PROK2: variants seen among roughly 807,000 people sequenced by gnomAD.
PROK2 encodes prokineticin-2.
Under a neutral mutation model 14.2 loss-of-function variants are expected in PROK2, and 8 were observed. The ratio of observed to expected loss-of-function variants is 0.56; its 90% CI spans 0.33 to 1.02. The LOEUF is 1.02. PROK2 is among the 50% of genes least tolerant of loss of function. The pLI is 0.03. For missense variants in PROK2, 154 were observed against 160.4 expected (o/e 0.96, Z 0.22); for synonymous variants, 59 against 60.7 (o/e 0.97, Z 0.13).
intron 1 of PROK2, among the ~76,000 whole-genome samples, chr3:71,783,071 T>C (rs529608790): frequency 6.6e-5 from 10 of 152,222 alleles, no homozygotes; most frequent in Non-Finnish European, 1.2e-4. Context: ...AATTTCAAAA[T>C]ACCTACATAC....
intron 3 of PROK2, among the ~76,000 whole-genome samples, chr3:71,774,017 G>A (rs2050100209): frequency 6.6e-6 from 1 of 152,166 alleles, no homozygotes; most frequent in Non-Finnish European, 1.5e-5. Flanking sequence ...GAAATCAGAT[G>A]GCAAGTGACT....
intron 1 of PROK2, among the ~76,000 whole-genome samples, chr3:71,782,778 A>T: frequency 6.6e-6 from 1 of 152,178 alleles, no homozygotes; most frequent in South Asian, 2.1e-4. Flanking sequence ...TCTTAACATT[A>T]TTTCTCATTA....
At chr3:71,781,262 C>G (rs2050157647) in intron 2 of PROK2, among the ~76,000 whole-genome samples, 1 of 152,112 alleles carries the variant, frequency 6.6e-6, no homozygotes, top group Admixed American at 6.5e-5. Context: ...AACATGAAAA[C>G]TATCACTGGA....
Position 71,774,452 on chromosome 3 carries a change from T to C in PROK2, c.278A>G (p.Lys93Arg). 3 of 1,551,558 alleles carry C rather than the reference T, an allele frequency of 1.9e-6. No homozygotes were observed. The highest frequency in any genetic ancestry group is 2.6e-6 in the Non-Finnish European group (3 of 1,146,918). ...CATTCGCATTCTTCTTACCTCCTTT[T>C]TCCTTTTGCTTCTCTTCCTCTTTCT... ...ERRKRKRSKR[K>R]KEVPFFGRRM... The change falls in exon 3 of 4, where the codon AAA becomes AGA. Residue 93 changes from lysine to arginine, a missense_variant. Physicochemically the swap from Lys to Arg is conservative, Grantham distance 26 (BLOSUM62 2). Transcript: ENST00000295619.
chr3:71,772,722 G>A lies in PROK2; in HGVS notation c.*2C>T, dbSNP rs115261059. 1.3e-3 allele frequency: 2,020 copies of A among 1,611,922 alleles called. 21 individuals carry two copies. The highest frequency in any genetic ancestry group is 4.5e-4 in the Non-Finnish European group (528 of 1,178,016). On this transcript the variant is annotated 3_prime_UTR_variant, in exon 4 of 4. Transcript: ENST00000295619. ...TCACATTTGGTTTCTACTCCAGAGC[G>A]ATTACTTTTGGGCTAAACAAATAAA...
In PROK2 at chr3:71,772,145, C is replaced by G. The variant is rs2050084178; in HGVS notation, c.*579G>C. ...GGAGTGTCAAGTTCACATATACACT[C>G]TTTTCACTATTTAAATGCCAGCAAA... On this transcript the variant is annotated 3_prime_UTR_variant, in exon 4 of 4. Coordinates refer to ENST00000295619, the MANE Select transcript of PROK2 (RefSeq NM_001126128.2). The G allele has an allele frequency of 6.3e-6, 1 of 159,386 alleles. No individual in the cohort carries two copies. Among genetic ancestry groups the G allele is most frequent in the Non-Finnish European group, 1.4e-5 (1 of 72,854 alleles). The allele number at this position is 159,386 out of a possible 1,614,324, so 9.9% of individuals were successfully genotyped here. A position where few individuals can be genotyped will look rare whatever the true frequency, so the allele number is the denominator to read the frequency against.
At chr3:71,778,944 G>T (rs1262006015) in intron 2 of PROK2, among the ~76,000 whole-genome samples, 1 of 152,200 alleles carries the variant, frequency 6.6e-6, no homozygotes, top group African/African-American at 2.4e-5. Flanking sequence ...ATTATTTAAA[G>T]ATTTCATTAT....
At chr3:71,776,972 C>T (rs906789477) in intron 2 of PROK2, among the ~76,000 whole-genome samples, 1 of 152,158 alleles carries the variant, frequency 6.6e-6, no homozygotes, top group African/African-American at 2.4e-5. Context: ...GAAAGCATGA[C>T]TTTTACTCTT....
At chr3:71,784,491 G>A (rs2050195134) in intron 1 of PROK2, among the ~76,000 whole-genome samples, 1 of 152,226 alleles carries the variant, frequency 6.6e-6, no homozygotes. Flanking sequence ...GCATCGGGGA[G>A]CAAACTCTTT....
In PROK2 at chr3:71,772,223, C is replaced by T. The variant is rs2050084737; in HGVS notation, c.*501G>A. On this transcript the variant is annotated 3_prime_UTR_variant, in exon 4 of 4. Coordinates refer to ENST00000295619, the MANE Select transcript of PROK2 (RefSeq NM_001126128.2). ...CATCAAACTCAAAGAGACAAACCCT[C>T]CACTTTAAAATGCAAGAGGAGGGAA... is the stretch of plus-strand genomic sequence containing the variant. 6.2e-6 allele frequency: 1 copy of T among 161,048 alleles called. No homozygotes were observed. Among genetic ancestry groups the T allele is most frequent in the African/African-American group, 2.4e-5 (1 of 41,436 alleles). 10.0% of individuals were successfully genotyped at this position (161,048 alleles called of 1,614,324 possible).
intron 1 of PROK2, among the ~76,000 whole-genome samples, chr3:71,784,474 G>T (rs957999018): frequency 2.0e-5 from 3 of 152,192 alleles, no homozygotes; most frequent in Non-Finnish European, 4.4e-5. Context: ...GGGTTTCTGC[G>T]GAGGACGCAT....
rs763288712 is a variant in PROK2, at chr3:71,772,748, T to C, written c.366A>G (p.Arg122=). Residue 122 remains arginine (R), a synonymous_variant, in exon 4 of 4, where the codon CGA becomes CGG. Coordinates refer to ENST00000295619, the MANE Select transcript of PROK2 (RefSeq NM_001126128.2). ...GLACLRTSFN[R]FICLAQK ...ATTACTTTTGGGCTAAACAAATAAA[T>C]CGGTTAAATGAAGTCCGTAAACAGG... is the stretch of plus-strand genomic sequence containing the variant. 2 of 1,614,100 alleles carry C rather than the reference T, an allele frequency of 1.2e-6. No individual in the cohort carries two copies. Among genetic ancestry groups the C allele is most frequent in the South Asian group, 2.2e-5 (2 of 91,080 alleles).
intron 2 of PROK2, among the ~76,000 whole-genome samples, chr3:71,779,863 G>C (rs2050147927): frequency 6.6e-6 from 1 of 152,162 alleles, no homozygotes; most frequent in African/African-American, 2.4e-5. Context: ...GCCTGCCTCA[G>C]ACTCCCAAAT....
At chr3:71,783,524 T>C (rs2050185294) in intron 1 of PROK2, among the ~76,000 whole-genome samples, 1 of 152,206 alleles carries the variant, frequency 6.6e-6, no homozygotes, top group Non-Finnish European at 1.5e-5. Context: ...AAGAGTTGCA[T>C]AGGTTTATAT....
chr3:71,778,866 C>T (rs139726727), intron 2 of PROK2, among the ~76,000 whole-genome samples: 72 of 152,122 alleles, frequency 4.7e-4, no homozygotes, highest in Middle Eastern at 3.4e-3. Flanking sequence ...AAAAAGCAAC[C>T]AATATGAAAA....
At chr3:71,774,607 G>C in intron 2 of PROK2, 100 bp from the exon 3 acceptor site, 2 of 1,429,262 alleles carry the variant, frequency 1.4e-6, no homozygotes, top group Non-Finnish European at 1.9e-6. Flanking sequence ...GGCGGAGCAA[G>C]ATACAGCCAA....
chr3:71,777,346 T>G (rs1029158402), intron 2 of PROK2, among the ~76,000 whole-genome samples: 1 of 152,210 alleles, frequency 6.6e-6, no homozygotes, highest in African/African-American at 2.4e-5. Context: ...TTTTGCTAAA[T>G]TTCTAGTTGC....
rs1322991675 is a variant in PROK2 at position 71,771,683 on chromosome 3, T to G, written c.*1041A>C. 2 of 152,578 alleles carry G rather than the reference T, an allele frequency of 1.3e-5. No individual in the cohort carries two copies. The highest frequency in any genetic ancestry group is 2.4e-5 in the African/African-American group (1 of 41,418). The allele number at this position is 152,578 out of a possible 1,614,324, so 9.5% of individuals were successfully genotyped here. On this transcript the variant is annotated 3_prime_UTR_variant, in exon 4 of 4. Coordinates refer to ENST00000295619, the MANE Select transcript of PROK2 (RefSeq NM_001126128.2). ...CAAAAATAAGGATATAATATTAAAATAAATCAAATGATATACAGTACTGTT... is the reference window on the plus strand; with the variant it reads ...CAAAAATAAGGATATAATATTAAAAGAAATCAAATGATATACAGTACTGTT...
At chr3:71,775,111 A>C (rs1356332438) in intron 2 of PROK2, among the ~76,000 whole-genome samples, 1 of 152,336 alleles carries the variant, frequency 6.6e-6, no homozygotes, top group East Asian at 1.9e-4. Flanking sequence ...CCTACGACAA[A>C]GAATTATCTG....
Sources: allele counts gnomAD v4.1 joint callset (sites outside exome capture counted in the v4.1 genomes callset), GRCh38; gene constraint gnomAD v4.1.1; transcripts MANE v1.5; gene names NCBI Gene and HGNC (gene_info 2026-07-23, HGNC 2026-07-21).